The following CDH13 variants were observed in gnomAD, a reference collection of about 807,000 sequenced individuals.
The protein encoded by CDH13 is cadherin 13, also known as cadherin-13.
A neutral mutation model predicts 63.8 loss-of-function variants in CDH13; 24 were observed. The ratio of observed to expected loss-of-function variants is 0.38; its 90% CI spans 0.27 to 0.53. The LOEUF (loss-of-function observed/expected upper bound fraction) is 0.53, where lower values mean the gene tolerates loss of function less well. Among genes scored for constraint, CDH13 ranks in the 20% least tolerant of loss-of-function variants. CDH13 has a pLI of 0.85. For synonymous variants in CDH13, 503 were observed against 355.3 expected (o/e 1.42, Z -4.67); for missense variants, 1,049 against 903.1 (o/e 1.16, Z -2.07).
intron 4 of CDH13, among the ~76,000 whole-genome samples, chr16:83,129,344 C>T (rs935742612): frequency 1.3e-5 from 2 of 152,160 alleles, no homozygotes; most frequent in African/African-American, 2.4e-5. Flanking sequence ...AGTATAAAGA[C>T]GTTTGTCTTT....
intron 2 of CDH13, among the ~76,000 whole-genome samples, chr16:82,990,923 T>C (rs537214153): frequency 6.6e-6 from 1 of 152,356 alleles, no homozygotes; most frequent in South Asian, 2.1e-4. Context: ...ATTAAAGGGC[T>C]TTAGTTTCAT....
chr16:82,906,018 A>G (rs59184408), intron 2 of CDH13, among the ~76,000 whole-genome samples: 24,833 of 152,148 alleles, frequency 0.16, 2,401 homozygotes, highest in African/African-American at 0.26. Context: ...ATATAAGTAT[A>G]TGAATATATA....
intron 4 of CDH13, among the ~76,000 whole-genome samples, chr16:83,193,953 C>G (rs989072219): frequency 6.6e-6 from 1 of 152,178 alleles, no homozygotes; most frequent in East Asian, 1.9e-4. Flanking sequence ...TCAAGTCTCC[C>G]TAAACGTTGC....
chr16:82,783,250 G>T (rs1597566137), intron 1 of CDH13, among the ~76,000 whole-genome samples: 1 of 152,318 alleles, frequency 6.6e-6, no homozygotes, highest in South Asian at 2.1e-4. Context: ...CCGTGAACAG[G>T]TGCTCCTAAT....
intron 1 of CDH13, among the ~76,000 whole-genome samples, chr16:82,679,063 A>G (rs1914253952): frequency 6.6e-6 from 1 of 152,220 alleles, no homozygotes; most frequent in African/African-American, 2.4e-5. Flanking sequence ...AAAGTGCCTC[A>G]GAAATGTCTG....
chr16:83,128,890 C>G (rs895687170), intron 4 of CDH13, among the ~76,000 whole-genome samples: 12 of 152,338 alleles, frequency 7.9e-5, no homozygotes, highest in African/African-American at 2.2e-4. Flanking sequence ...AACTGCTTTT[C>G]TAAGTGTGGT....
At chr16:83,784,955 G>A (rs921844486) in intron 13 of CDH13, among the ~76,000 whole-genome samples, 1 of 152,204 alleles carries the variant, frequency 6.6e-6, no homozygotes, top group Non-Finnish European at 1.5e-5. Flanking sequence ...CAAAGAGAGA[G>A]AGAAAATAGA....
intron 1 of CDH13, among the ~76,000 whole-genome samples, chr16:82,674,158 G>GA: frequency 6.6e-6 from 1 of 152,298 alleles, no homozygotes; most frequent in South Asian, 2.1e-4. Flanking sequence ...GGAATTAGCA[G>GA]AAAATCACAC....
chr16:83,188,006 A>T (rs1399337238), intron 4 of CDH13, among the ~76,000 whole-genome samples: 1 of 152,190 alleles, frequency 6.6e-6, no homozygotes, highest in Non-Finnish European at 1.5e-5. Context: ...AGAATATTCT[A>T]GAAACTGTAG....
At chr16:82,812,341 G>C (rs545066077) in intron 1 of CDH13, among the ~76,000 whole-genome samples, 13 of 152,124 alleles carry the variant, frequency 8.5e-5, no homozygotes, top group African/African-American at 2.9e-4. Flanking sequence ...CATCCTATTT[G>C]AAACTTCCCC....
intron 1 of CDH13, among the ~76,000 whole-genome samples, chr16:82,668,501 C>A (rs1021029010): frequency 2.0e-5 from 3 of 152,126 alleles, no homozygotes; most frequent in Non-Finnish European, 2.9e-5. Context: ...CAGGGAAAAC[C>A]ATTAGGGCAA....
At chr16:83,214,774 A>C (rs1231699194) in intron 4 of CDH13, among the ~76,000 whole-genome samples, 1 of 151,970 alleles carries the variant, frequency 6.6e-6, no homozygotes, top group Non-Finnish European at 1.5e-5. Flanking sequence ...AACCCTCGGC[A>C]ATGCTGGGAA....
At chr16:83,148,465 G>A (rs2036843825) in intron 4 of CDH13, among the ~76,000 whole-genome samples, 1 of 152,172 alleles carries the variant, frequency 6.6e-6, no homozygotes, top group Admixed American at 6.6e-5. Flanking sequence ...AGACTGCAAG[G>A]GTTCAAATCC....
At chr16:82,909,053 C>A (rs958139220) in intron 2 of CDH13, among the ~76,000 whole-genome samples, 1 of 152,118 alleles carries the variant, frequency 6.6e-6, no homozygotes, top group Non-Finnish European at 1.5e-5. Flanking sequence ...AGAGGGACAA[C>A]TATACTTTAA....
Position 83,236,570 on chromosome 16 carries a change from G to A in CDH13, c.636+19073G>A, listed in dbSNP as rs78358947. ...GGATGCCAATGTGCCTTCCTAAAAT[G>A]CTGCAAGGCTATTCTGGAAAAACAG... On this transcript the variant is annotated intron_variant, in intron 5 of 13. Coordinates refer to ENST00000567109, the MANE Select transcript of CDH13 (RefSeq NM_001257.5). Among the ~76,000 whole-genome samples, 659 of 152,240 alleles carry A rather than the reference G, an allele frequency of 4.3e-3. 10 individuals carry two copies. Among genetic ancestry groups the A allele is most frequent in the African/African-American group, 0.015 (631 of 41,540 alleles).
rs543767371 is a variant in CDH13, at chr16:83,113,288, C to G, written c.367-12097C>G. ...AAGATTTCTCTATTAAAGACAAAAT[C>G]AAAGCGAAATCACCAACATCTTACT... On this transcript the variant is annotated intron_variant, in intron 3 of 13. Coordinates refer to ENST00000567109, the MANE Select transcript of CDH13 (RefSeq NM_001257.5). Among the ~76,000 whole-genome samples, 211 of 152,336 alleles carry G rather than the reference C, an allele frequency of 1.4e-3. 2 individuals are homozygous for G. Among genetic ancestry groups the G allele is most frequent in the Middle Eastern group, 0.01 (3 of 294 alleles).
intron 7 of CDH13, among the ~76,000 whole-genome samples, chr16:83,558,611 A>G (rs1377394804): frequency 1.3e-5 from 2 of 152,018 alleles, no homozygotes; most frequent in Non-Finnish European, 2.9e-5. Flanking sequence ...TACATGTAAC[A>G]TTTATGAATG....
At chr16:83,784,322 A>T (rs561648223) in intron 13 of CDH13, among the ~76,000 whole-genome samples, 1 of 152,284 alleles carries the variant, frequency 6.6e-6, no homozygotes, top group Non-Finnish European at 1.5e-5. Context: ...GCAAGACCAG[A>T]GTCCTGTGAG....
Position 83,240,477 on chromosome 16 carries a change from AGAG to A in CDH13, c.636+22984_636+22986del, listed in dbSNP as rs138411531. The stretch of plus-strand genomic sequence containing the variant: ...GTTACTGAAGGAAACCAGGTGAGAA[AGAG>A]GAGAACTTGGATTAGAGAGTGAGGC... On this transcript the variant is annotated intron_variant, in intron 5 of 13. Transcript: ENST00000567109. Among the ~76,000 whole-genome samples, 1,175 of 152,188 alleles carry A rather than the reference AGAG, an allele frequency of 7.7e-3. 18 individuals carry two copies. The highest frequency in any genetic ancestry group is 0.026 in the African/African-American group (1,099 of 41,524).
Sources: gnomAD v4.1 joint callset for allele counts (sites outside exome capture counted in the v4.1 genomes callset) on GRCh38, gnomAD v4.1.1 for gene constraint, MANE v1.5 for transcripts, NCBI Gene and HGNC (gene_info 2026-07-23, HGNC 2026-07-21) for gene names.